Variants in SBNO1 observed in about 807,000 individuals in gnomAD.
The protein encoded by SBNO1 is protein strawberry notch homolog 1.
A neutral mutation model predicts 173.6 loss-of-function variants in SBNO1; 23 were observed. The observed-to-expected ratio is 0.13, with a 90% confidence interval of 0.10 to 0.19. The LOEUF (loss-of-function observed/expected upper bound fraction) is 0.19. SBNO1 is among the 10% of genes least tolerant of loss of function. The probability of loss-of-function intolerance (pLI) is 1.00; values close to 1 mark genes in which losing one functional copy is unlikely to be tolerated. For missense variants in SBNO1, 1,238 were observed against 1,671.2 expected (o/e 0.74, Z 4.52); for synonymous variants, 632 against 571.5 (o/e 1.11, Z -1.51).
At chr12:123,339,654 G>A (rs1443346717) in intron 5 of SBNO1, among the ~76,000 whole-genome samples, 1 of 152,028 alleles carries the variant, frequency 6.6e-6, no homozygotes, top group Non-Finnish European at 1.5e-5. Context: ...AGGGCTGGTG[G>A]TGGGCACCTG....
rs773557645 is a variant in SBNO1, at chr12:123,320,878, G to A, written c.2324-12C>T. On this transcript the variant is annotated splice_polypyrimidine_tract_variant and intron_variant, in intron 17 of 31. Coordinates refer to ENST00000602398, the MANE Select transcript of SBNO1 (RefSeq NM_001167856.3). ...AATTAACCAGGGATCTGAGTGTTAA[G>A]GAAAGATACATGTCAAATCATTTGT... 6 of 1,534,136 alleles carry A rather than the reference G, an allele frequency of 3.9e-6. No individual in the cohort carries two copies. Among genetic ancestry groups the A allele is most frequent in the South Asian group, 1.2e-5 (1 of 81,194 alleles).
Position 123,345,442 on chromosome 12 carries a change from CTTAG to C in SBNO1, c.362_365del (p.Thr121SerfsTer22). The C allele has an allele frequency of 6.2e-7, 1 of 1,614,154 alleles. No homozygotes were observed. Among genetic ancestry groups the C allele is most frequent in the African/African-American group, 1.3e-5 (1 of 75,026 alleles). ...GTGTGCTTGCAGTAGTCTGGATAAA[CTTAG>C]TTAAAGTGATGGTTTGCCTGTTGGT... On this transcript the variant is annotated frameshift_variant, in exon 4 of 32. Coordinates refer to ENST00000602398, the MANE Select transcript of SBNO1 (RefSeq NM_001167856.3). LOFTEE classifies it high-confidence loss of function.
chr12:123,346,618 C>T (rs935980526), intron 3 of SBNO1, among the ~76,000 whole-genome samples: 13 of 151,102 alleles, frequency 8.6e-5, no homozygotes, highest in Admixed American at 3.3e-4. Context: ...GCGCCGAGAT[C>T]GCGCCACTGC....
intron 5 of SBNO1, 105 bp downstream of exon 5, chr12:123,340,883 C>T (rs1444125972): frequency 1.5e-5 from 11 of 713,030 alleles, no homozygotes; most frequent in Non-Finnish European, 2.2e-5. Flanking sequence ...ATAGCTTCTT[C>T]CCAACCCAAA....
chr12:123,318,320 T>G (rs781497499), intron 20 of SBNO1, among the ~76,000 whole-genome samples: 68 of 151,564 alleles, frequency 4.5e-4, no homozygotes, highest in Non-Finnish European at 8.7e-4. Context: ...TGTGCCTATA[T>G]TCCCAGCTAC....
chr12:123,318,668 G>C (rs1869586451), intron 20 of SBNO1, among the ~76,000 whole-genome samples: 2 of 150,364 alleles, frequency 1.3e-5, no homozygotes, highest in Non-Finnish European at 2.9e-5. Flanking sequence ...AGGAGGTGAA[G>C]GTAGCAGTGA....
chr12:123,297,888 A>G, intron 31 of SBNO1, 90 bp downstream of exon 31: 2 of 1,151,322 alleles, frequency 1.7e-6, no homozygotes, highest in Non-Finnish European at 1.3e-6. Flanking sequence ...TGTTAGATGC[A>G]TGTGGAATAA....
At chr12:123,358,883 A>G (rs568438438) in intron 1 of SBNO1, among the ~76,000 whole-genome samples, 1 of 152,234 alleles carries the variant, frequency 6.6e-6, no homozygotes, top group African/African-American at 2.4e-5. Flanking sequence ...AGTACTTTTC[A>G]AACTACTGAT....
chr12:123,343,175 G>A (rs781256426), intron 4 of SBNO1, among the ~76,000 whole-genome samples: 3 of 152,094 alleles, frequency 2.0e-5, no homozygotes, highest in Non-Finnish European at 4.4e-5. Flanking sequence ...AGGGGTTGCA[G>A]GAAGCCGAGG....
chr12:123,298,218 A>G (rs1378181257), intron 30 of SBNO1, 47 bp from the exon 31 acceptor site: 1 of 1,498,716 alleles, frequency 6.7e-7, no homozygotes, highest in Non-Finnish European at 9.1e-7. Flanking sequence ...ATATATGCAC[A>G]CAGACACGTT....
At chr12:123,342,794 C>T (rs1470731255) in intron 4 of SBNO1, among the ~76,000 whole-genome samples, 1 of 152,202 alleles carries the variant, frequency 6.6e-6, no homozygotes, top group Non-Finnish European at 1.5e-5. Flanking sequence ...GAAGTCCTCA[C>T]AGTACCTGGA....
intron 10 of SBNO1, 54 bp downstream of exon 10, chr12:123,328,679 CT>C: frequency 2.2e-6 from 3 of 1,341,556 alleles, no homozygotes; most frequent in Non-Finnish European, 9.9e-7. Context: ...AAGGTCTACC[CT>C]TTTATAATTT....
At position 123,325,490 on chromosome 12, in the gene SBNO1, C is replaced by G. The variant is rs1195103599; in HGVS notation, c.1973+12G>C. On this transcript the variant is annotated intron_variant, in intron 15 of 31. Coordinates refer to ENST00000602398, the MANE Select transcript of SBNO1 (RefSeq NM_001167856.3). The stretch of plus-strand genomic sequence containing the variant: ...AAAAGAAACAAAAACATTAAAAGAA[C>G]AAAAACATTACTTGGCAGTTGAAAC... The G allele has an allele frequency of 1.0e-5, 16 of 1,578,252 alleles. No homozygotes were observed. Among genetic ancestry groups the G allele is most frequent in the Non-Finnish European group, 1.4e-5 (16 of 1,149,162 alleles).
intron 30 of SBNO1, among the ~76,000 whole-genome samples, chr12:123,302,445 T>C (rs926029257): frequency 6.6e-6 from 1 of 151,700 alleles, no homozygotes; most frequent in Non-Finnish European, 1.5e-5. Flanking sequence ...GGTTTCACCA[T>C]GTTGGCCAGG....
Position 123,328,010 on chromosome 12 carries a change from A to G in SBNO1, c.1314T>C (p.Cys438=). 1 of 1,611,444 alleles carries G rather than the reference A, an allele frequency of 6.2e-7. No homozygotes were observed. The highest frequency in any genetic ancestry group is 8.5e-7 in the Non-Finnish European group (1 of 1,178,212). Residue 438 remains cysteine (C), a synonymous_variant, in exon 11 of 32, where the codon TGT becomes TGC. Coordinates refer to ENST00000602398, the MANE Select transcript of SBNO1 (RefSeq NM_001167856.3). The part of the protein sequence containing the change: ...DFDGVIVFDE[C]HKAKNLCPVG... ...CAGGACATAAGTTTTTGGCTTTATG[A>G]CACTCATCAAACACTATCTAAATGG...
chr12:123,364,160 G>A, intron 1 of SBNO1: 1 of 985,582 alleles, frequency 1.0e-6, no homozygotes, highest in Non-Finnish European at 1.2e-6. Context: ...CGCCCCAAGA[G>A]CGGGGCATGT....
chr12:123,317,157 G>A (rs1440481460), intron 21 of SBNO1, 64 bp downstream of exon 21: 3 of 1,571,814 alleles, frequency 1.9e-6, no homozygotes, highest in Non-Finnish European at 2.6e-6. Context: ...GTTTTGGTAT[G>A]CGCAAATTTA....
At chr12:123,363,882 T>C (rs906127912) in intron 1 of SBNO1, 3 of 985,228 alleles carry the variant, frequency 3.0e-6, no homozygotes, top group Non-Finnish European at 2.4e-6. Context: ...AAAGAAACAA[T>C]CAGAAGGGTT....
rs989054959 is a variant in SBNO1, at chr12:123,293,111, G to GA, written c.*2796dup. The GA allele has an allele frequency of 6.6e-6, 1 of 152,182 alleles. No homozygotes were observed. Among genetic ancestry groups the GA allele is most frequent in the African/African-American group, 2.4e-5 (1 of 41,452 alleles). 9.4% of individuals were successfully genotyped at this position (152,182 alleles called of 1,614,324 possible). A position where few individuals can be genotyped will look rare whatever the true frequency, so the allele number is the denominator to read the frequency against. ...GTGCTCAGAGCCATATTGCTAAAAA[G>GA]AAAAAGGCATTGCAGAGGCAAAGTG... is the stretch of plus-strand genomic sequence containing the variant. On this transcript the variant is annotated 3_prime_UTR_variant, in exon 32 of 32. Transcript: ENST00000602398.
Sources: gnomAD v4.1 joint callset for allele counts (sites outside exome capture counted in the v4.1 genomes callset) on GRCh38, gnomAD v4.1.1 for gene constraint, MANE v1.5 for transcripts, NCBI Gene and HGNC (gene_info 2026-07-23, HGNC 2026-07-21) for gene names.